The following RRP8 variants were observed in gnomAD, a reference collection of about 807,000 sequenced individuals.
RRP8 encodes the protein ribosomal RNA-processing protein 8.
In RRP8, 48 loss-of-function variants were observed where a neutral mutation model predicts 45.0. That is an observed-to-expected ratio of 1.07 (90% CI 0.85 to 1.36). RRP8 has a LOEUF of 1.36. RRP8 is among the 40% of genes most tolerant of loss of function. RRP8 has a pLI of 0.00. For synonymous variants in RRP8, 274 were observed against 212.4 expected, an observed-to-expected ratio of 1.29 and a Z score of -2.52; for missense variants, 658 against 573.7, an observed-to-expected ratio of 1.15 and a Z score of -1.50.
Position 6,600,787 on chromosome 11 carries a change from G to A in RRP8, c.1048-12C>T, listed in dbSNP as rs1297776587. 1 of 1,612,562 alleles carries A rather than the reference G, an allele frequency of 6.2e-7. No individual in the cohort carries two copies. The highest frequency in any genetic ancestry group is 8.5e-7 in the Non-Finnish European group (1 of 1,178,726). Reference sequence around the variant, plus strand: ...TCCTCCAGAGGAACCTGTGGAGAGTGAGAGTGTTGTATAAGGCACACAGTG... The same window carrying A: ...TCCTCCAGAGGAACCTGTGGAGAGTAAGAGTGTTGTATAAGGCACACAGTG... On this transcript the variant is annotated splice_polypyrimidine_tract_variant and intron_variant, in intron 4 of 6. Coordinates refer to ENST00000254605, the MANE Select transcript of RRP8 (RefSeq NM_015324.4).
chr11:6,603,608 A>C lies in RRP8; in HGVS notation c.-106T>G. 1 of 649,794 alleles carries C rather than the reference A, an allele frequency of 1.5e-6. No homozygotes were observed. Among genetic ancestry groups the C allele is most frequent in the Non-Finnish European group, 2.5e-6 (1 of 397,644 alleles). The allele number at this position is 649,794 out of a possible 1,614,324, so 40.3% of individuals were successfully genotyped here. ...CCTGCCAGAACCGACCCGGAAACCAAAGCGTGACAGCCAGGGGTTGCTAGA... is the reference window on the plus strand; with the variant it reads ...CCTGCCAGAACCGACCCGGAAACCACAGCGTGACAGCCAGGGGTTGCTAGA... On this transcript the variant is annotated 5_prime_UTR_variant, in exon 1 of 7. Transcript: ENST00000254605.
intron 4 of RRP8, 34 bp downstream of exon 4, chr11:6,600,892 C>T: frequency 6.2e-7 from 1 of 1,613,752 alleles, no homozygotes; most frequent in South Asian, 1.1e-5. Flanking sequence ...GGAGGTTGGC[C>T]CTAGAGCACA....
At position 6,603,395 on chromosome 11, in the gene RRP8, G is replaced by A; in HGVS notation, c.99+9C>T. ...GAAACAGCTCCCATTGCTCCCGCGAGTCACTCACCTTGTTTTGCGAGGAGG... is the reference window on the plus strand; with the variant it reads ...GAAACAGCTCCCATTGCTCCCGCGAATCACTCACCTTGTTTTGCGAGGAGG... On this transcript the variant is annotated intron_variant, in intron 1 of 6. Coordinates refer to ENST00000254605, the MANE Select transcript of RRP8 (RefSeq NM_015324.4). 2.5e-6 allele frequency: 4 copies of A among 1,590,898 alleles called. No individual in the cohort carries two copies. Among genetic ancestry groups the A allele is most frequent in the Non-Finnish European group, 3.4e-6 (4 of 1,167,438 alleles).
rs1854289204 is a variant in RRP8 at position 6,599,393 on chromosome 11, A to C, written c.*753T>G. ...TGAGGAATGTGATATACAGAGATTA[A>C]ATGACTTTAAGTGCCTCTGGGTAGC... is the stretch of plus-strand genomic sequence containing the variant. On this transcript the variant is annotated 3_prime_UTR_variant, in exon 7 of 7. Transcript: ENST00000254605. The C allele has an allele frequency of 6.6e-6, 1 of 152,214 alleles. No homozygotes were observed. The highest frequency in any genetic ancestry group is 6.5e-5 in the Admixed American group (1 of 15,286). 9.4% of individuals were successfully genotyped at this position (152,214 alleles called of 1,614,324 possible).
rs1011838992 is a variant in RRP8, at chr11:6,595,709, G to A, written c.*4437C>T. 1.2e-4 allele frequency: 19 copies of A among 152,188 alleles called. No homozygotes were observed. Among genetic ancestry groups the A allele is most frequent in the Admixed American group, 1.2e-3 (18 of 15,278 alleles). The allele number at this position is 152,188 out of a possible 1,614,324, so 9.4% of individuals were successfully genotyped here. A position where few individuals can be genotyped will look rare whatever the true frequency, so the allele number is the denominator to read the frequency against. On this transcript the variant is annotated 3_prime_UTR_variant, in exon 7 of 7. Transcript: ENST00000254605. ...GAAAGTGTTGACTGGCATCTGGCAA[G>A]ATAATTAAATATCTGAAACACCCTG...
Position 6,600,581 on chromosome 11 carries a change from C to T in RRP8, c.1156G>A (p.Gly386Ser). ...EEANRVLKPG[G>S]LLKVAEVSSR... ...CTGACCTCAGCCACTTTCAGGAGAC[C>T]CCTGAGAAAGACAGAAAGTTCTGTG... The change falls in exon 6 of 7, where the codon GGT becomes AGT. Residue 386 changes from glycine to serine, a missense_variant and splice_region_variant. Gly to Ser is a moderately conservative substitution (Grantham distance 56, BLOSUM62 0). Coordinates refer to ENST00000254605, the MANE Select transcript of RRP8 (RefSeq NM_015324.4). 1.2e-6 allele frequency: 2 copies of T among 1,613,988 alleles called. No homozygotes were observed. Among genetic ancestry groups the T allele is most frequent in the South Asian group, 1.1e-5 (1 of 91,064 alleles).
rs770912718 is a variant in RRP8, at chr11:6,598,656, C to T, written c.*1490G>A. 6.6e-5 allele frequency: 10 copies of T among 152,218 alleles called. No homozygotes were observed. Among genetic ancestry groups the T allele is most frequent in the Non-Finnish European group, 1.3e-4 (9 of 68,046 alleles). 9.4% of individuals were successfully genotyped at this position (152,218 alleles called of 1,614,324 possible). On this transcript the variant is annotated 3_prime_UTR_variant, in exon 7 of 7. Coordinates refer to ENST00000254605, the MANE Select transcript of RRP8 (RefSeq NM_015324.4). ...TGAATATCCAGCAGAAAGAACAGTACGTGTAGAGGCACTGTGTAGTGCCTG... is the reference window on the plus strand; with the variant it reads ...TGAATATCCAGCAGAAAGAACAGTATGTGTAGAGGCACTGTGTAGTGCCTG...
rs1854307091 is a variant in RRP8 at position 6,600,205 on chromosome 11, C to A, written c.1312G>T (p.Gly438Trp). 6.2e-7 allele frequency: 1 copy of A among 1,608,378 alleles called. No homozygotes were observed. The highest frequency in any genetic ancestry group is 1.1e-5 in the South Asian group (1 of 90,236). Residue 438 changes from glycine to tryptophan, a missense_variant, in exon 7 of 7, where the codon GGG becomes TGG. Transcript: ENST00000254605. ...AGGCCTGAAAGCTGAGCCTTGGGCC[C>A]TACCAGAGGGGGCCCAGTCTTTTGG... The part of the protein sequence containing the change: ...DFQKTGPPLV[G>W]PKAQLSGLQL...
intron 1 of RRP8, 109 bp from the exon 2 acceptor site, chr11:6,602,324 C>A: frequency 3.0e-6 from 4 of 1,325,114 alleles, no homozygotes; most frequent in Non-Finnish European, 4.0e-6. Context: ...CATCTGAATT[C>A]TTCCCAGTCA....
At chr11:6,600,632 A>G in intron 5 of RRP8, 37 bp downstream of exon 5, 1 of 1,587,746 alleles carries the variant, frequency 6.3e-7, no homozygotes, top group Non-Finnish European at 8.7e-7. Flanking sequence ...ATGCATGCAC[A>G]CATACATACA....
rs1854233655 is a variant in RRP8, at chr11:6,596,682, G to A, written c.*3464C>T. Reference sequence around the variant, plus strand: ...CAGGGGATGAAAGGTTCTAATTACTGGTCTCTGTGAAAAGCTGTAGAGAGT... The same window carrying A: ...CAGGGGATGAAAGGTTCTAATTACTAGTCTCTGTGAAAAGCTGTAGAGAGT... On this transcript the variant is annotated 3_prime_UTR_variant, in exon 7 of 7. Transcript: ENST00000254605. 6.6e-6 allele frequency: 1 copy of A among 152,142 alleles called. No homozygotes were observed. The highest frequency in any genetic ancestry group is 2.1e-4 in the South Asian group (1 of 4,816). The allele number at this position is 152,142 out of a possible 1,614,324, so 9.4% of individuals were successfully genotyped here.
At position 6,596,558 on chromosome 11, in the gene RRP8, G is replaced by A. The variant is rs1464477213; in HGVS notation, c.*3588C>T. The A allele has an allele frequency of 6.6e-6, 1 of 152,236 alleles. No homozygotes were observed. The allele number at this position is 152,236 out of a possible 1,614,324, so 9.4% of individuals were successfully genotyped here. ...AAAATTAATTGCTTTAGGGACACGA[G>A]TAGAAGCAATTAGACCACCAGTAAG... On this transcript the variant is annotated 3_prime_UTR_variant, in exon 7 of 7. Coordinates refer to ENST00000254605, the MANE Select transcript of RRP8 (RefSeq NM_015324.4).
Position 6,602,315 on chromosome 11 carries a change from A to C in RRP8, c.100-100T>G, listed in dbSNP as rs1447340577. 8.9e-6 allele frequency: 12 copies of C among 1,354,934 alleles called. No homozygotes were observed. In the South Asian group the frequency reaches 1.6e-4, roughly 19 times the overall value. The allele number at this position is 1,354,934 out of a possible 1,614,324, so 83.9% of individuals were successfully genotyped here. On this transcript the variant is annotated intron_variant, in intron 1 of 6. Transcript: ENST00000254605. ...GGACCTGATTCAGACTGGCAGAAGC[A>C]TCTGAATTCTTCCCAGTCAAGCCTG... is the stretch of plus-strand genomic sequence containing the variant.
chr11:6,597,976 C>T lies in RRP8; in HGVS notation c.*2170G>A, dbSNP rs978047418. ...TTCTCCTCTTCCATCACCTTCACTG[C>T]TTCATTTTCCTTTACCCATCCATGA... On this transcript the variant is annotated 3_prime_UTR_variant, in exon 7 of 7. Transcript: ENST00000254605. 1 of 152,174 alleles carries T rather than the reference C, an allele frequency of 6.6e-6. No homozygotes were observed. The highest frequency in any genetic ancestry group is 2.4e-5 in the African/African-American group (1 of 41,376). 9.4% of individuals were successfully genotyped at this position (152,174 alleles called of 1,614,324 possible).
chr11:6,600,775 C>T lies in RRP8; in HGVS notation c.1048G>A (p.Val350Ile). 6.2e-7 allele frequency: 1 copy of T among 1,613,524 alleles called. No individual in the cohort carries two copies. Among genetic ancestry groups the T allele is most frequent in the East Asian group, 2.2e-5 (1 of 44,872 alleles). Residue 350 changes from valine (V) to isoleucine (I), a missense_variant and splice_region_variant, in exon 5 of 7, where the codon GTT becomes ATT. By Grantham distance (29) the Val-to-Ile change is conservative. Coordinates refer to ENST00000254605, the MANE Select transcript of RRP8 (RefSeq NM_015324.4). ...TCCACAGACTCATCCTCCAGAGGAA[C>T]CTGTGGAGAGTGAGAGTGTTGTATA... ...PRVTVCDMAQ[V>I]PLEDESVDVA...
At chr11:6,600,883 G>A (rs765652038) in intron 4 of RRP8, 43 bp downstream of exon 4, 18 of 1,613,538 alleles carry the variant, frequency 1.1e-5, no homozygotes, top group Admixed American at 1.7e-5. Flanking sequence ...TTAGCATACG[G>A]AGGTTGGCCC....
At position 6,599,376 on chromosome 11, in the gene RRP8, G is replaced by A. The variant is rs1412558301; in HGVS notation, c.*770C>T. 2 of 152,268 alleles carry A rather than the reference G, an allele frequency of 1.3e-5. No individual in the cohort carries two copies. Among genetic ancestry groups the A allele is most frequent in the Non-Finnish European group, 2.9e-5 (2 of 68,052 alleles). The allele number at this position is 152,268 out of a possible 1,614,324, so 9.4% of individuals were successfully genotyped here. A position where few individuals can be genotyped will look rare whatever the true frequency, so the allele number is the denominator to read the frequency against. On this transcript the variant is annotated 3_prime_UTR_variant, in exon 7 of 7. Coordinates refer to ENST00000254605, the MANE Select transcript of RRP8 (RefSeq NM_015324.4). The stretch of plus-strand genomic sequence containing the variant: ...TTCTACCATTTTCCAAATGAGGAAT[G>A]TGATATACAGAGATTAAATGACTTT...
chr11:6,600,478 G>C lies in RRP8; in HGVS notation c.1251+8C>G. 6.2e-7 allele frequency: 1 copy of C among 1,612,296 alleles called. No homozygotes were observed. Among genetic ancestry groups the C allele is most frequent in the South Asian group, 1.1e-5 (1 of 90,958 alleles). ...CAAAAACAGGTACAGATGTCTTGGG[G>C]CCCTCACCTTGGAGACAATCTTGAA... is the stretch of plus-strand genomic sequence containing the variant. On this transcript the variant is annotated splice_region_variant and intron_variant, in intron 6 of 6. Transcript: ENST00000254605.
chr11:6,601,077 C>A (rs763660231), intron 3 of RRP8, 22 bp from the exon 4 acceptor site: 3 of 1,614,064 alleles, frequency 1.9e-6, no homozygotes, highest in African/African-American at 2.7e-5. Context: ...AGGCAAGGGT[C>A]ACATATTGGT....
Sources: allele counts gnomAD v4.1 joint callset, GRCh38; gene constraint gnomAD v4.1.1; transcripts MANE v1.5; gene names NCBI Gene and HGNC (gene_info 2026-07-23, HGNC 2026-07-21).